GPR137C: variants seen among roughly 807,000 people sequenced by gnomAD.
GPR137C encodes the protein G protein-coupled receptor 137C.
GPR137C carries 27 observed loss-of-function variants against 43.4 expected under a neutral mutation model. The ratio of observed to expected loss-of-function variants is 0.62; its 90% CI spans 0.46 to 0.86. The LOEUF (loss-of-function observed/expected upper bound fraction) is 0.86, where lower values mean the gene tolerates loss of function less well. GPR137C is among the 40% of genes least tolerant of loss of function. The probability of loss-of-function intolerance (pLI) is 0.00; values close to 1 mark genes in which losing one functional copy is unlikely to be tolerated. For missense variants in GPR137C, 522 were observed against 534.6 expected, an observed-to-expected ratio of 0.98 and a Z score of 0.23; for synonymous variants, 285 against 226.9, an observed-to-expected ratio of 1.26 and a Z score of -2.30.
At chr14:52,619,327 A>C (rs934668604) in intron 3 of GPR137C, among the ~76,000 whole-genome samples, 2 of 152,270 alleles carry the variant, frequency 1.3e-5, no homozygotes, top group Middle Eastern at 3.4e-3. Context: ...ATTTGGAGAG[A>C]GTGATGGTAG....
Position 52,577,516 on chromosome 14 carries a change from G to GCGCACACACACA in GPR137C, c.445-20755_445-20754insGCACACACACAC, listed in dbSNP as rs369713179. Among the ~76,000 whole-genome samples the GCGCACACACACA allele has an allele frequency of 4.0e-3, 584 of 145,476 alleles. 3 individuals are homozygous for GCGCACACACACA. The highest frequency in any genetic ancestry group is 9.6e-3 in the South Asian group (43 of 4,494). ...CAAACATGCACGCGTGCGCGCGCGC[G>GCGCACACACACA]CACACACACACACACACACACACAC... On this transcript the variant is annotated intron_variant, in intron 1 of 6. Transcript: ENST00000321662.
At chr14:52,607,421 A>G (rs565866758) in intron 3 of GPR137C, among the ~76,000 whole-genome samples, 108 of 152,200 alleles carry the variant, frequency 7.1e-4, no homozygotes, top group African/African-American at 2.5e-3. Flanking sequence ...ATTGCAGTTT[A>G]TCTCTCCCTT....
chr14:52,632,312 A>G lies in GPR137C; in HGVS notation c.867+3A>G. ...GCTGGGATAATCTTTCAGATAAGGTAAATACCTACCACGTATTGCCAGTCT... is the reference window on the plus strand; with the variant it reads ...GCTGGGATAATCTTTCAGATAAGGTGAATACCTACCACGTATTGCCAGTCT... On this transcript the variant is annotated splice_donor_region_variant and intron_variant, in intron 4 of 6. Transcript: ENST00000321662. 6.2e-7 allele frequency: 1 copy of G among 1,600,950 alleles called. No homozygotes were observed. The highest frequency in any genetic ancestry group is 8.5e-7 in the Non-Finnish European group (1 of 1,170,800).
chr14:52,597,114 A>G, intron 1 of GPR137C: 1 of 380,118 alleles, frequency 2.6e-6, no homozygotes, highest in East Asian at 7.9e-5. Flanking sequence ...ACACCAATTT[A>G]CTCTTCATAA....
At chr14:52,567,917 C>T (rs1188127731) in intron 1 of GPR137C, among the ~76,000 whole-genome samples, 1 of 152,102 alleles carries the variant, frequency 6.6e-6, no homozygotes, top group African/African-American at 2.4e-5. Flanking sequence ...CTGGGTCTCC[C>T]AAAGTGCTGG....
At chr14:52,617,762 C>A (rs926707325) in intron 3 of GPR137C, among the ~76,000 whole-genome samples, 3 of 152,124 alleles carry the variant, frequency 2.0e-5, no homozygotes, top group African/African-American at 7.2e-5. Flanking sequence ...TGTTTATTGG[C>A]TGTGTGACCT....
In GPR137C at chr14:52,635,063, G is replaced by A. The variant is rs200551681; in HGVS notation, c.1238G>A (p.Ser413Asn). 4.3e-4 allele frequency: 698 copies of A among 1,605,278 alleles called. No homozygotes were observed. Among genetic ancestry groups the A allele is most frequent in the Non-Finnish European group, 5.6e-4 (662 of 1,177,148 alleles). The change falls in exon 7 of 7, where the codon AGT becomes AAT. Residue 413 changes from serine to asparagine, a missense_variant. Around this residue, in one of 3 missense-constraint regions of GPR137C, gnomAD observed 67 missense variants for 69.0 expected, o/e 0.97. Coordinates refer to ENST00000321662, the MANE Select transcript of GPR137C (RefSeq NM_001099652.2). Reference sequence around the variant, plus strand: ...ACTGCTCCTTTGCTCTTTACTTGTAGTAATTTAGATTTGAACAATCATCAT... The same window carrying A: ...ACTGCTCCTTTGCTCTTTACTTGTAATAATTTAGATTTGAACAATCATCAT... ...TDTAPLLFTC[S>N]NLDLNNHHSL...
intron 1 of GPR137C, among the ~76,000 whole-genome samples, chr14:52,593,481 G>C (rs947573058): frequency 6.6e-6 from 1 of 152,080 alleles, no homozygotes; most frequent in Non-Finnish European, 1.5e-5. Flanking sequence ...TGGTTAGTAG[G>C]CTATTAATTA....
intron 1 of GPR137C, among the ~76,000 whole-genome samples, chr14:52,581,421 A>G (rs2038645288): frequency 6.6e-6 from 1 of 150,790 alleles, no homozygotes; most frequent in Non-Finnish European, 1.5e-5. Flanking sequence ...CTGTAATTCT[A>G]GCTACTCAGG....
intron 3 of GPR137C, among the ~76,000 whole-genome samples, chr14:52,615,313 G>GT (rs2039086449): frequency 6.6e-6 from 1 of 152,096 alleles, no homozygotes; most frequent in Non-Finnish European, 1.5e-5. Flanking sequence ...ACTGGTTTAT[G>GT]TGTCTGTTTT....
intron 4 of GPR137C, among the ~76,000 whole-genome samples, chr14:52,632,532 T>G (rs116507361): frequency 1.7e-3 from 262 of 152,186 alleles, no homozygotes; most frequent in African/African-American, 6.0e-3. Context: ...CTCTCTCTTT[T>G]TTGGTAAATA....
chr14:52,598,160 TG>T, intron 1 of GPR137C, 111 bp from the exon 2 acceptor site: 1 of 443,248 alleles, frequency 2.3e-6, no homozygotes. Flanking sequence ...ATTTCAACTT[TG>T]CGTGCTATAT....
intron 3 of GPR137C, among the ~76,000 whole-genome samples, chr14:52,615,947 C>A (rs2039093771): frequency 6.6e-6 from 1 of 152,116 alleles, no homozygotes; most frequent in Admixed American, 6.6e-5. Context: ...TATTTCTACT[C>A]TTTCATTTTT....
chr14:52,571,371 A>G (rs1053821992), intron 1 of GPR137C, among the ~76,000 whole-genome samples: 1 of 152,214 alleles, frequency 6.6e-6, no homozygotes, highest in Non-Finnish European at 1.5e-5. Context: ...CTAAATGCCC[A>G]CAGGAGAAAG....
chr14:52,628,507 C>G (rs1267912527), intron 3 of GPR137C, among the ~76,000 whole-genome samples: 2 of 152,070 alleles, frequency 1.3e-5, no homozygotes, highest in Admixed American at 6.5e-5. Context: ...TTTAAAATTT[C>G]TCATCAGGCT....
chr14:52,618,721 C>T (rs1450655038), intron 3 of GPR137C, among the ~76,000 whole-genome samples: 1 of 151,772 alleles, frequency 6.6e-6, no homozygotes, highest in Non-Finnish European at 1.5e-5. Flanking sequence ...CATTATTTTC[C>T]ATTTCAGAAA....
chr14:52,607,325 A>G (rs1318652042), intron 3 of GPR137C, among the ~76,000 whole-genome samples: 3 of 152,206 alleles, frequency 2.0e-5, no homozygotes, highest in African/African-American at 7.2e-5. Context: ...AGTATAATTT[A>G]TCTCCAATGT....
In GPR137C at chr14:52,637,240, C is replaced by T. The variant is rs186764557; in HGVS notation, c.*2125C>T. The stretch of plus-strand genomic sequence containing the variant: ...AGACAAATAAAGATACACTCTGGCC[C>T]AATCTTTGCTTAAAAATTCCAAAGC... On this transcript the variant is annotated 3_prime_UTR_variant, in exon 7 of 7. Transcript: ENST00000321662. The T allele has an allele frequency of 1.2e-3, 188 of 152,190 alleles. 1 individual carries two copies. The highest frequency in any genetic ancestry group is 4.4e-3 in the African/African-American group (183 of 41,550). 9.4% of individuals were successfully genotyped at this position (152,190 alleles called of 1,614,324 possible).
chr14:52,564,653 C>T (rs544447325), intron 1 of GPR137C, among the ~76,000 whole-genome samples: 6 of 152,144 alleles, frequency 3.9e-5, no homozygotes, highest in Admixed American at 2.6e-4. Context: ...ATATCATTTG[C>T]ACAGTTGGAA....
Sources: gnomAD v4.1 joint callset for allele counts (sites outside exome capture counted in the v4.1 genomes callset) on GRCh38, gnomAD v4.1.1 for gene constraint, gnomAD v4.1.1 regional missense constraint, MANE v1.5 for transcripts, NCBI Gene and HGNC (gene_info 2026-07-23, HGNC 2026-07-21) for gene names.